Variants in RALYL observed in about 807,000 individuals in gnomAD.
RALYL encodes RNA-binding Raly-like protein.
RALYL carries 29 observed loss-of-function variants against 35.1 expected under a neutral mutation model. The observed-to-expected ratio is 0.83, with a 90% CI of 0.61 to 1.13. The LOEUF is 1.13. RALYL is among the 50% of genes most tolerant of loss of function. RALYL has a pLI of 0.00. For synonymous variants in RALYL, 120 were observed against 127.6 expected, an observed-to-expected ratio of 0.94 and a Z score of 0.40; for missense variants, 359 against 360.4, an observed-to-expected ratio of 1.00 and a Z score of 0.03.
At chr8:84,866,733 CTAT>C (rs1839245406) in intron 6 of RALYL, among the ~76,000 whole-genome samples, 1 of 152,068 alleles carries the variant, frequency 6.6e-6, no homozygotes, top group Non-Finnish European at 1.5e-5. Flanking sequence ...AAAATAATAA[CTAT>C]TATTATCTGA....
chr8:84,313,359 A>G (rs916181844), intron 1 of RALYL, among the ~76,000 whole-genome samples: 1 of 152,172 alleles, frequency 6.6e-6, no homozygotes, highest in African/African-American at 2.4e-5. Context: ...GCTCCTCATT[A>G]CTTATGCAAA....
At chr8:84,809,302 T>A (rs1348312874) in intron 4 of RALYL, among the ~76,000 whole-genome samples, 2 of 152,238 alleles carry the variant, frequency 1.3e-5, no homozygotes, top group Admixed American at 6.5e-5. Flanking sequence ...TTGCATATGT[T>A]AAACCATCCC....
At chr8:84,601,708 G>A (rs911794740) in intron 2 of RALYL, among the ~76,000 whole-genome samples, 3 of 151,580 alleles carry the variant, frequency 2.0e-5, no homozygotes, top group Non-Finnish European at 4.4e-5. Flanking sequence ...TTCCTCCCAT[G>A]TTTATTGTTA....
At chr8:84,485,033 C>T (rs1418817349) in intron 1 of RALYL, among the ~76,000 whole-genome samples, 1 of 152,114 alleles carries the variant, frequency 6.6e-6, no homozygotes, top group Non-Finnish European at 1.5e-5. Flanking sequence ...GGTACTTATA[C>T]TTTAATGGAT....
chr8:84,568,241 T>A (rs1290820822), intron 2 of RALYL, among the ~76,000 whole-genome samples: 4 of 127,308 alleles, frequency 3.1e-5, no homozygotes, highest in African/African-American at 1.2e-4. Flanking sequence ...GATGTTCCCC[T>A]TCCTGTGTCC....
intron 1 of RALYL, among the ~76,000 whole-genome samples, chr8:84,468,223 A>G (rs909106107): frequency 7.3e-5 from 11 of 150,116 alleles, no homozygotes; most frequent in African/African-American, 2.7e-4. Context: ...TAGTTGATGC[A>G]GTTTCTTCCT....
intron 2 of RALYL, among the ~76,000 whole-genome samples, chr8:84,642,309 T>A (rs934651558): frequency 1.1e-4 from 16 of 152,120 alleles, no homozygotes; most frequent in African/African-American, 3.4e-4. Flanking sequence ...CCAAGGAAAG[T>A]TTTGAACCAA....
At chr8:84,215,538 GT>G (rs35692746) in intron 1 of RALYL, among the ~76,000 whole-genome samples, 44,654 of 146,798 alleles carry the variant, frequency 0.3, 7,251 homozygotes, top group African/African-American at 0.44. Flanking sequence ...TATGCATAAG[GT>G]TTTTTTTTTT....
intron 2 of RALYL, among the ~76,000 whole-genome samples, chr8:84,537,419 G>T (rs1042481378): frequency 3.3e-5 from 5 of 151,026 alleles, no homozygotes; most frequent in African/African-American, 1.2e-4. Context: ...GCGGGCTACA[G>T]TGAGCTGTGA....
chr8:84,444,089 G>A (rs1345424828), intron 1 of RALYL, among the ~76,000 whole-genome samples: 3 of 152,126 alleles, frequency 2.0e-5, no homozygotes, highest in Admixed American at 2.0e-4. Flanking sequence ...AGCACTTTGG[G>A]ATGTCAAGGC....
At chr8:84,371,348 A>T (rs148264887) in intron 1 of RALYL, among the ~76,000 whole-genome samples, 66 of 152,138 alleles carry the variant, frequency 4.3e-4, no homozygotes, top group Middle Eastern at 6.8e-3. Context: ...ATGCACGGTG[A>T]CATTCTGCGT....
intron 1 of RALYL, among the ~76,000 whole-genome samples, chr8:84,376,449 C>T (rs1209912613): frequency 6.6e-6 from 1 of 151,746 alleles, no homozygotes; most frequent in Non-Finnish European, 1.5e-5. Context: ...GAAAGGTTAC[C>T]ACTTACCTGC....
chr8:84,785,377 C>T (rs914242952), intron 3 of RALYL, among the ~76,000 whole-genome samples: 5 of 152,128 alleles, frequency 3.3e-5, no homozygotes, highest in African/African-American at 7.2e-5. Context: ...AAAAATCAAC[C>T]TCTTTAAGCC....
chr8:84,882,337 T>C (rs1267108141), intron 7 of RALYL, among the ~76,000 whole-genome samples: 2 of 151,958 alleles, frequency 1.3e-5, no homozygotes, highest in African/African-American at 4.8e-5. Context: ...CTGGAAGACT[T>C]CACATTTCAT....
chr8:84,531,236 T>C (rs2059258229), intron 2 of RALYL, among the ~76,000 whole-genome samples: 1 of 152,146 alleles, frequency 6.6e-6, no homozygotes, highest in Admixed American at 6.5e-5. Flanking sequence ...GTTAAGAATA[T>C]TGTGAATATT....
chr8:84,918,078 C>T lies in RALYL; in HGVS notation c.859-2816C>T, dbSNP rs188461624. ...TAAAGTGTTATGTGACCTGTCTTAC[C>T]TACAGTTTCTTTCACCTTATTTGCA... On this transcript the variant is annotated intron_variant, in intron 8 of 8. Transcript: ENST00000521268. 1.1e-3 allele frequency among the ~76,000 whole-genome samples: 174 copies of T among 152,026 alleles called. 2 individuals are homozygous for T. Among genetic ancestry groups the T allele is most frequent in the Non-Finnish European group, 1.1e-3 (75 of 67,874 alleles).
chr8:84,345,434 A>G (rs1422275968), intron 1 of RALYL, among the ~76,000 whole-genome samples: 1 of 152,074 alleles, frequency 6.6e-6, no homozygotes, highest in Non-Finnish European at 1.5e-5. Context: ...TTTCTCTACT[A>G]TGACATATCT....
At chr8:84,511,397 A>G (rs1263564588) in intron 1 of RALYL, among the ~76,000 whole-genome samples, 3 of 152,182 alleles carry the variant, frequency 2.0e-5, no homozygotes, top group Non-Finnish European at 4.4e-5. Context: ...CATTTTCAAT[A>G]AGTGTTAGAA....
At chr8:84,691,151 A>G (rs567475736) in intron 2 of RALYL, among the ~76,000 whole-genome samples, 1 of 152,204 alleles carries the variant, frequency 6.6e-6, no homozygotes, top group African/African-American at 2.4e-5. Flanking sequence ...TACTTTCTTT[A>G]GTTTTATTAG....
Sources: gnomAD v4.1 joint callset for allele counts (sites outside exome capture counted in the v4.1 genomes callset) on GRCh38, gnomAD v4.1.1 for gene constraint, MANE v1.5 for transcripts, NCBI Gene and HGNC (gene_info 2026-07-23, HGNC 2026-07-21) for gene names.